RYR2: variants seen among roughly 807,000 people sequenced by gnomAD.
RYR2 encodes cardiac muscle ryanodine receptor-calcium release channel.
In RYR2, 227 loss-of-function variants were observed where a neutral mutation model predicts 601.1. The ratio of observed to expected loss-of-function variants is 0.38; its 90% CI spans 0.34 to 0.42. The LOEUF (loss-of-function observed/expected upper bound fraction) is 0.42, where lower values mean the gene tolerates loss of function less well. RYR2 is among the 10% of genes least tolerant of loss of function. RYR2 has a pLI of 1.00. For synonymous variants in RYR2, 2,223 were observed against 2,175.1 expected (o/e 1.02, Z -0.61); for missense variants, 4,646 against 6,156.5 (o/e 0.75, Z 8.21).
intron 1 of RYR2, among the ~76,000 whole-genome samples, chr1:237,135,376 C>CTT (rs558558722): frequency 7.0e-6 from 1 of 143,738 alleles, no homozygotes; most frequent in African/African-American, 2.5e-5. Context: ...TTTTATTTTT[C>CTT]TTTTTTTTTT....
chr1:237,176,763 G>C (rs914887102), intron 1 of RYR2, among the ~76,000 whole-genome samples: 2 of 152,114 alleles, frequency 1.3e-5, no homozygotes, highest in African/African-American at 4.8e-5. Flanking sequence ...TGGGATCACA[G>C]TGAAAATACT....
chr1:237,667,563 G>A (rs1004631867), intron 57 of RYR2, among the ~76,000 whole-genome samples: 1 of 152,134 alleles, frequency 6.6e-6, no homozygotes, highest in East Asian at 1.9e-4. Flanking sequence ...TAAGGCTTTG[G>A]AAATTAAAAC....
chr1:237,205,431 T>C (rs1457357068), intron 1 of RYR2, among the ~76,000 whole-genome samples: 1 of 152,186 alleles, frequency 6.6e-6, no homozygotes, highest in African/African-American at 2.4e-5. Context: ...GGACAGGTGC[T>C]TGCAAACATA....
chr1:237,449,363 T>A (rs1657786476), intron 14 of RYR2, among the ~76,000 whole-genome samples: 1 of 152,170 alleles, frequency 6.6e-6, no homozygotes, highest in South Asian at 2.1e-4. Flanking sequence ...TACCTTTAAT[T>A]GATATTTTGT....
intron 1 of RYR2, among the ~76,000 whole-genome samples, chr1:237,202,821 C>T (rs1681347446): frequency 6.6e-6 from 1 of 152,130 alleles, no homozygotes; most frequent in South Asian, 2.1e-4. Flanking sequence ...TTCCTCTGGG[C>T]TCTGATCTCT....
chr1:237,712,931 A>G (rs564190103), intron 71 of RYR2, among the ~76,000 whole-genome samples: 1 of 152,360 alleles, frequency 6.6e-6, no homozygotes, highest in East Asian at 1.9e-4. Flanking sequence ...AGAGCAAATT[A>G]GCCTCTACTG....
intron 12 of RYR2, among the ~76,000 whole-genome samples, chr1:237,424,653 T>C (rs1278468274): frequency 1.3e-5 from 2 of 152,228 alleles, no homozygotes; most frequent in Non-Finnish European, 2.9e-5. Context: ...TAGAGATCTA[T>C]ATGTTAGGTA....
At chr1:237,248,541 G>A (rs1687136002) in intron 1 of RYR2, among the ~76,000 whole-genome samples, 3 of 151,866 alleles carry the variant, frequency 2.0e-5, no homozygotes, top group Non-Finnish European at 4.4e-5. Flanking sequence ...TTATAATATA[G>A]ACTTCACACT....
Position 237,649,730 on chromosome 1 carries a change from C to T in RYR2, c.7513-147C>T, listed in dbSNP as rs487056. On this transcript the variant is annotated intron_variant, in intron 49 of 104. Transcript: ENST00000366574. ...TGGTAAAAATCATATGAACCCGACA[C>T]TTAAAGATGTAACTAAAGAATACAT... The T allele has an allele frequency of 1, 640,608 of 640,748 alleles. 320,235 individuals are homozygous for T. Among genetic ancestry groups the T allele is most frequent in the Middle Eastern group, 1 (2,324 of 2,324 alleles). The allele number at this position is 640,748 out of a possible 1,614,324, so 39.7% of individuals were successfully genotyped here.
At chr1:237,394,106 G>A (rs1187696634) in intron 10 of RYR2, among the ~76,000 whole-genome samples, 8 of 152,134 alleles carry the variant, frequency 5.3e-5, no homozygotes, top group African/African-American at 1.9e-4. Context: ...TGTCTACACT[G>A]GGTTTATTAA....
In RYR2 at chr1:237,832,951, A is replaced by C. The variant is rs935994382; in HGVS notation, c.*304A>C. On this transcript the variant is annotated 3_prime_UTR_variant, in exon 105 of 105. Transcript: ENST00000366574. ...ATAGATTTTCTTCTGAGACTCCCGG[A>C]GTCTTCTCGAGCTACGAGACCTTCA... 8 of 199,076 alleles carry C rather than the reference A, an allele frequency of 4.0e-5. No homozygotes were observed. The highest frequency in any genetic ancestry group is 7.2e-5 in the Non-Finnish European group (7 of 97,178). 12.3% of individuals were successfully genotyped at this position (199,076 alleles called of 1,614,324 possible).
At chr1:237,795,887 T>C (rs867270329) in intron 96 of RYR2, among the ~76,000 whole-genome samples, 46 of 146,678 alleles carry the variant, frequency 3.1e-4, no homozygotes, top group East Asian at 1.6e-3. Flanking sequence ...CATATATATA[T>C]ACACACATAT....
chr1:237,795,940 ATG>A (rs1486678649), intron 96 of RYR2, among the ~76,000 whole-genome samples: 1 of 30,866 alleles, frequency 3.2e-5, no homozygotes, highest in Non-Finnish European at 1.0e-4. Flanking sequence ...GTACATATGT[ATG>A]TGTGCATATG....
At position 237,375,699 on chromosome 1, in the gene RYR2, A is replaced by G. The variant is rs145631809; in HGVS notation, c.463+904A>G. Among the ~76,000 whole-genome samples, 1,188 of 152,266 alleles carry G rather than the reference A, an allele frequency of 7.8e-3. 21 individuals carry two copies. The highest frequency in any genetic ancestry group is 0.027 in the African/African-American group (1,142 of 41,556). ...CCCCTGGCACCAGAAAGATAAATAA[A>G]TATATTATTCTGATTTTGTTTTGTA... On this transcript the variant is annotated intron_variant, in intron 7 of 104. Transcript: ENST00000366574.
intron 2 of RYR2, among the ~76,000 whole-genome samples, chr1:237,306,206 TTCTA>T (rs1693847401): frequency 6.6e-6 from 1 of 152,194 alleles, no homozygotes; most frequent in Non-Finnish European, 1.5e-5. Context: ...TTTAATAATT[TTCTA>T]TCTGTTTACC....
At chr1:237,619,221 T>C (rs1328840635) in intron 38 of RYR2, among the ~76,000 whole-genome samples, 1 of 152,156 alleles carries the variant, frequency 6.6e-6, no homozygotes, top group African/African-American at 2.4e-5. Context: ...AACACTGAGA[T>C]AACAAAGATG....
At chr1:237,688,981 T>C (rs767296192) in intron 63 of RYR2, among the ~76,000 whole-genome samples, 28 of 152,136 alleles carry the variant, frequency 1.8e-4, no homozygotes, top group Non-Finnish European at 3.2e-4. Context: ...AAGAACAACT[T>C]GGCTAGGTGT....
At chr1:237,786,067 G>C in intron 91 of RYR2, 31 bp downstream of exon 91, 1 of 1,360,012 alleles carries the variant, frequency 7.4e-7, no homozygotes, top group Admixed American at 2.0e-5. Context: ...CTTTTCCTTC[G>C]TTTCAGTTTG....
At position 237,784,404 on chromosome 1, in the gene RYR2, C is replaced by A. The variant is rs1321340277; in HGVS notation, c.12692C>A (p.Pro4231Gln). The A allele has an allele frequency of 8.1e-6, 13 of 1,613,650 alleles. No homozygotes were observed. Among genetic ancestry groups the A allele is most frequent in the Non-Finnish European group, 1.1e-5 (13 of 1,179,818 alleles). ...SEKERPEEQG[P>Q]RMAFFSILTV... ...AAGGAGAGGCCGGAAGAGCAGGGGC[C>A]GAGGATGGCTTTCTTCTCCATTCTG... The change falls in exon 90 of 105, where the codon CCG becomes CAG. Residue 4231 changes from proline to glutamine, a missense_variant. Coordinates refer to ENST00000366574, the MANE Select transcript of RYR2 (RefSeq NM_001035.3). This position sits in a 1 kb window ranked among gnomAD's most constrained non-coding sequence, Gnocchi z 7.1.
Sources: gnomAD v4.1 joint callset for allele counts (sites outside exome capture counted in the v4.1 genomes callset) on GRCh38, gnomAD v4.1.1 for gene constraint, Gnocchi (gnomAD v3.1) non-coding constraint, MANE v1.5 for transcripts, NCBI Gene and HGNC (gene_info 2026-07-23, HGNC 2026-07-21) for gene names.